The following BMP1 variants were observed in gnomAD, a reference collection of about 807,000 sequenced individuals.
BMP1 encodes the protein bone morphogenetic protein 1.
Under a neutral mutation model 116.8 loss-of-function variants are expected in BMP1, and 63 were observed. That is an observed-to-expected ratio of 0.54 (90% CI 0.44 to 0.67). The LOEUF (loss-of-function observed/expected upper bound fraction) is 0.67. Ranked by LOEUF, BMP1 falls within the 30% of genes least tolerant of loss-of-function variation. The pLI, the probability that BMP1 is intolerant of heterozygous loss-of-function variation, is 0.00. For synonymous variants in BMP1, 536 were observed against 533.4 expected, an observed-to-expected ratio of 1.00 and a Z score of -0.07; for missense variants, 1,183 against 1,358.9, an observed-to-expected ratio of 0.87 and a Z score of 2.04.
At chr8:22,197,020 C>CG (rs561318670) in intron 14 of BMP1, among the ~76,000 whole-genome samples, 180 bp downstream of exon 14, 13 of 151,964 alleles carry the variant, frequency 8.6e-5, no homozygotes, top group African/African-American at 3.1e-4. Flanking sequence ...CCAAAGGGGG[C>CG]GGGGGGACAT....
chr8:22,199,007 C>T, intron 15 of BMP1: 1 of 1,318,486 alleles, frequency 7.6e-7, no homozygotes, highest in African/African-American at 1.5e-5. Flanking sequence ...TCTTCCTGCC[C>T]TTCTGTTGCT....
At chr8:22,200,989 T>TA in intron 15 of BMP1, 1 of 137,110 alleles carries the variant, frequency 7.3e-6, no homozygotes, top group East Asian at 3.2e-4. Context: ...CCGCCTGCCC[T>TA]CCCGCCCCAC....
intron 9 of BMP1, among the ~76,000 whole-genome samples, chr8:22,193,232 C>T (rs145337980): frequency 6.6e-6 from 1 of 152,290 alleles, no homozygotes; most frequent in East Asian, 1.9e-4. Flanking sequence ...TCAAAGTGGA[C>T]ATTTTGTGAG....
chr8:22,207,661 T>A, intron 18 of BMP1, 145 bp downstream of exon 18: 1 of 978,380 alleles, frequency 1.0e-6, no homozygotes, highest in Non-Finnish European at 1.5e-6. Context: ...AAACATTGTG[T>A]CCTGAGAACC....
At chr8:22,184,969 G>T (rs1828724550) in intron 8 of BMP1, among the ~76,000 whole-genome samples, 1 of 152,216 alleles carries the variant, frequency 6.6e-6, no homozygotes, top group African/African-American at 2.4e-5. Flanking sequence ...AAATGTGAAT[G>T]ATAGGTAAAT....
chr8:22,196,826 A>T lies in BMP1; in HGVS notation c.1912A>T (p.Thr638Ser). ...RISLQFDFFE[T>S]EGNDVCKYDF... ...CTCCCTGCAGTTTGACTTCTTTGAG[A>T]CAGAGGGCAATGATGTAAGTGCCCA... Residue 638 changes from threonine (T) to serine (S), a missense_variant, in exon 14 of 20, where the codon ACA becomes TCA. By Grantham distance (58) the Thr-to-Ser change is moderately conservative. Around this residue, in one of 4 missense-constraint regions of BMP1, gnomAD observed 956 missense variants for 1,135.2 expected, o/e 0.84. Transcript: ENST00000306385. 6.2e-7 allele frequency: 1 copy of T among 1,613,566 alleles called. No homozygotes were observed. Among genetic ancestry groups the T allele is most frequent in the Non-Finnish European group, 8.5e-7 (1 of 1,179,802 alleles).
At chr8:22,209,227 C>A (rs61578220) in intron 18 of BMP1, among the ~76,000 whole-genome samples, 2,114 of 152,296 alleles carry the variant, frequency 0.014, 48 homozygotes, top group African/African-American at 0.048. Flanking sequence ...CTCGGTGAGC[C>A]TCACTGCCTG....
intron 4 of BMP1, 65 bp from the exon 5 acceptor site, chr8:22,176,896 C>T: frequency 7.0e-7 from 1 of 1,436,674 alleles, no homozygotes; most frequent in Non-Finnish European, 9.5e-7. Flanking sequence ...CAGCCTGGCC[C>T]CGCCCCTGAG....
intron 8 of BMP1, among the ~76,000 whole-genome samples, chr8:22,187,613 T>G (rs956815403): frequency 6.7e-6 from 1 of 150,122 alleles, no homozygotes; most frequent in African/African-American, 2.5e-5. Flanking sequence ...CCTCCCAAAG[T>G]GCTGGGATTA....
In BMP1 at chr8:22,194,389, C is replaced by G; in HGVS notation, c.1298-56C>G. 1 of 1,603,732 alleles carries G rather than the reference C, an allele frequency of 6.2e-7. No homozygotes were observed. The stretch of plus-strand genomic sequence containing the variant: ...AGGAGTGGGGAAAAGAGCTCCCTAG[C>G]AGGGCAAAGCATGCTGACTCACCAC... On this transcript the variant is annotated intron_variant, in intron 10 of 19. Coordinates refer to ENST00000306385, the MANE Select transcript of BMP1 (RefSeq NM_006129.5). The surrounding 1 kb of genome is among the most constrained non-coding windows in gnomAD (Gnocchi z 4.5).
chr8:22,185,446 A>G (rs539097551), intron 8 of BMP1, among the ~76,000 whole-genome samples: 3 of 151,692 alleles, frequency 2.0e-5, no homozygotes, highest in Non-Finnish European at 4.4e-5. Context: ...ACAGAGTAAG[A>G]CTCAGTCTCA....
At chr8:22,175,243 G>A (rs201751557) in intron 2 of BMP1, among the ~76,000 whole-genome samples, 2 of 152,310 alleles carry the variant, frequency 1.3e-5, no homozygotes, top group East Asian at 3.9e-4. Context: ...TTGTCCACAT[G>A]CCTTAGAGCT....
At chr8:22,178,827 G>T (rs577924664) in intron 6 of BMP1, among the ~76,000 whole-genome samples, 2 of 152,032 alleles carry the variant, frequency 1.3e-5, no homozygotes, top group Admixed American at 1.3e-4. Context: ...CCATTCCCAG[G>T]CCTGGTGCTT....
chr8:22,176,280 G>A lies in BMP1; in HGVS notation c.400G>A (p.Val134Ile). 6.2e-7 allele frequency: 1 copy of A among 1,608,652 alleles called. No homozygotes were observed. Among genetic ancestry groups the A allele is most frequent in the South Asian group, 1.1e-5 (1 of 90,504 alleles). ...ACCAGAGCGTGTGTGGCCCGATGGG[G>A]TCATCCCCTTTGTCATTGGGGGAAA... ...SRPERVWPDG[V>I]IPFVIGGNFT... is the part of the protein sequence containing the mutation. Residue 134 changes from valine (V) to isoleucine (I), a missense_variant, in exon 3 of 20, where the codon GTC becomes ATC. This residue lies in a region of BMP1 where 40 missense variants were observed against 47.5 expected (regional missense o/e 0.84). Coordinates refer to ENST00000306385, the MANE Select transcript of BMP1 (RefSeq NM_006129.5).
At chr8:22,199,484 C>A in intron 15 of BMP1, 1 of 1,134,240 alleles carries the variant, frequency 8.8e-7, no homozygotes, top group Non-Finnish European at 1.1e-6. Flanking sequence ...CTGCCCACTC[C>A]TGCCCCGGAC....
Position 22,176,273 on chromosome 8 carries a change from C to T in BMP1, c.393C>T (p.Pro131=), listed in dbSNP as rs775947435. 13 of 1,611,290 alleles carry T rather than the reference C, an allele frequency of 8.1e-6. No individual in the cohort carries two copies. Among genetic ancestry groups the T allele is most frequent in the Non-Finnish European group, 1.1e-5 (13 of 1,178,516 alleles). Residue 131 remains proline (P), a synonymous_variant, in exon 3 of 20, where the codon CCC becomes CCT. Transcript: ENST00000306385. The part of the protein sequence containing the change: ...AATSRPERVW[P]DGVIPFVIGG... ...CGTCCCGACCAGAGCGTGTGTGGCC[C>T]GATGGGGTCATCCCCTTTGTCATTG...
chr8:22,206,881 C>T lies in BMP1; in HGVS notation c.2261C>T (p.Thr754Ile). The T allele has an allele frequency of 1.2e-6, 2 of 1,614,190 alleles. No homozygotes were observed. The highest frequency in any genetic ancestry group is 8.5e-7 in the Non-Finnish European group (1 of 1,180,024). The change falls in exon 17 of 20, where the codon ACC (threonine) becomes ATC (isoleucine). Residue 754 changes from threonine to isoleucine, a missense_variant. Transcript: ENST00000306385. ...GGCTGTGACCACAAGGTGACATCCA[C>T]CAGTGGTACCATCACCAGCCCCAAC... is the stretch of plus-strand genomic sequence containing the variant. ...EAGCDHKVTS[T>I]SGTITSPNWP...
Position 22,197,371 on chromosome 8 carries a change from G to C in BMP1, c.2058G>C (p.Lys686Asn). The C allele has an allele frequency of 6.2e-7, 1 of 1,613,578 alleles. No homozygotes were observed. The highest frequency in any genetic ancestry group is 8.5e-7 in the Non-Finnish European group (1 of 1,179,554). ...SQYNNMRVEF[K>N]SDNTVSKKGF... ...ACAACAACATGCGCGTGGAGTTCAA[G>C]TCCGACAACACCGTGTCCAAAAAGG... is the stretch of plus-strand genomic sequence containing the variant. Residue 686 changes from lysine to asparagine, a missense_variant, in exon 15 of 20, where the codon AAG becomes AAC. By Grantham distance (94) the Lys-to-Asn change is moderately conservative. Around this residue, in one of 4 missense-constraint regions of BMP1, gnomAD observed 956 missense variants for 1,135.2 expected, o/e 0.84. Transcript: ENST00000306385.
chr8:22,178,931 A>C (rs1828532225), intron 6 of BMP1, among the ~76,000 whole-genome samples: 1 of 152,046 alleles, frequency 6.6e-6, no homozygotes, highest in Non-Finnish European at 1.5e-5. Context: ...GACCTGCAGG[A>C]ACAGAGACCA....
Sources: allele counts gnomAD v4.1 joint callset (sites outside exome capture counted in the v4.1 genomes callset), GRCh38; gene constraint gnomAD v4.1.1; regional missense constraint gnomAD v4.1.1; non-coding constraint Gnocchi (gnomAD v3.1); transcripts MANE v1.5; gene names NCBI Gene and HGNC (gene_info 2026-07-23, HGNC 2026-07-21).